TENM3: variants seen among roughly 807,000 people sequenced by gnomAD.
TENM3 encodes teneurin-3.
In TENM3, 63 loss-of-function variants were observed where a neutral mutation model predicts 255.1. That is an observed-to-expected ratio of 0.25 (90% CI 0.20 to 0.30). The LOEUF (loss-of-function observed/expected upper bound fraction) is 0.30, where lower values mean the gene tolerates loss of function less well. Ranked by LOEUF, TENM3 falls within the 10% of genes least tolerant of loss-of-function variation. TENM3 has a pLI of 1.00. For missense variants in TENM3, 2,929 were observed against 3,461.1 expected (o/e 0.85, Z 3.86); for synonymous variants, 1,306 against 1,322.3 (o/e 0.99, Z 0.27).
chr4:182,539,825 A>G (rs568522480), intron 3 of TENM3, among the ~76,000 whole-genome samples: 14 of 152,332 alleles, frequency 9.2e-5, no homozygotes, highest in African/African-American at 2.9e-4. Context: ...ATTTGGGGGA[A>G]AATCAAGAAG....
chr4:181,738,885 T>G, the TENM3 span, among the ~76,000 whole-genome samples: 2 of 152,136 alleles, frequency 1.3e-5, no homozygotes, highest in Non-Finnish European at 2.9e-5. Context: ...AAGGAGTATG[T>G]TTGATGGCCT....
At chr4:181,949,433 T>G in the TENM3 span, among the ~76,000 whole-genome samples, 1 of 152,334 alleles carries the variant, frequency 6.6e-6, no homozygotes, top group South Asian at 2.1e-4. Context: ...AGGGTCATCC[T>G]TGTCTTCTCT....
intron 3 of TENM3, among the ~76,000 whole-genome samples, chr4:182,454,841 C>A (rs1020860246): frequency 6.6e-6 from 1 of 152,104 alleles, no homozygotes; most frequent in African/African-American, 2.4e-5. Context: ...CAAGAGCTAA[C>A]GTTTTTGGAA....
intron 25 of TENM3, among the ~76,000 whole-genome samples, chr4:182,790,866 T>C (rs796680594): frequency 5.3e-5 from 8 of 152,190 alleles, no homozygotes; most frequent in African/African-American, 1.7e-4. Flanking sequence ...AGCATATCAT[T>C]GAGAAGAGCC....
At chr4:182,797,061 A>G (rs1406562966) in intron 27 of TENM3, among the ~76,000 whole-genome samples, 4 of 152,224 alleles carry the variant, frequency 2.6e-5, no homozygotes, top group Non-Finnish European at 5.9e-5. Flanking sequence ...TGAAGGCAAA[A>G]ATACAATAAA....
the TENM3 span, among the ~76,000 whole-genome samples, chr4:181,495,556 C>CGAGA: frequency 5.4e-5 from 8 of 148,672 alleles, no homozygotes; most frequent in South Asian, 2.1e-4. Flanking sequence ...TTAGTATACA[C>CGAGA]GAGAGAGAGA....
intron 18 of TENM3, among the ~76,000 whole-genome samples, chr4:182,738,780 G>T (rs1405544807): frequency 6.6e-6 from 1 of 152,154 alleles, no homozygotes; most frequent in African/African-American, 2.4e-5. Context: ...TCGCCAAAAT[G>T]ATTTTCCCAT....
the TENM3 span, among the ~76,000 whole-genome samples, chr4:181,666,262 T>G: frequency 6.6e-6 from 1 of 152,192 alleles, no homozygotes. Context: ...TTTATTTATT[T>G]CGGATAGATT....
chr4:182,789,086 G>T lies in TENM3; in HGVS notation c.5305-7G>T, dbSNP rs779861657. 1 of 1,599,742 alleles carries T rather than the reference G, an allele frequency of 6.3e-7. No homozygotes were observed. The highest frequency in any genetic ancestry group is 1.1e-5 in the South Asian group (1 of 89,630). On this transcript the variant is annotated splice_region_variant and splice_polypyrimidine_tract_variant and intron_variant, in intron 24 of 27. Coordinates refer to ENST00000511685, the MANE Select transcript of TENM3 (RefSeq NM_001080477.4). This position sits in a 1 kb window ranked among gnomAD's most constrained non-coding sequence, Gnocchi z 4.4. ...TTTATTTTATCATCTTGTTGGTGTT[G>T]TAACAGGTTAATGGCAGAAACCTCC...
At chr4:182,084,193 G>T in the TENM3 span, among the ~76,000 whole-genome samples, 2 of 137,386 alleles carry the variant, frequency 1.5e-5, no homozygotes, top group Non-Finnish European at 3.2e-5. Context: ...GCTGCTTGCT[G>T]GGGGGAAAAA....
At chr4:181,888,814 G>C in the TENM3 span, among the ~76,000 whole-genome samples, 1 of 151,354 alleles carries the variant, frequency 6.6e-6, no homozygotes, top group African/African-American at 2.4e-5. Flanking sequence ...CTGAGAACCA[G>C]GAGTGCCAAC....
chr4:182,169,465 T>C, intron 1 of TENM3: 1 of 332,314 alleles, frequency 3.0e-6, no homozygotes, highest in Non-Finnish European at 5.9e-6. Context: ...TATAATTTAC[T>C]ACCACCTAAA....
At chr4:182,729,258 A>G in intron 14 of TENM3, 77 bp downstream of exon 14, 1 of 1,249,980 alleles carries the variant, frequency 8.0e-7, no homozygotes, top group Non-Finnish European at 1.1e-6. Context: ...AATACTCATG[A>G]CTGTGAACCT....
At chr4:181,971,641 A>G in the TENM3 span, among the ~76,000 whole-genome samples, 1 of 151,988 alleles carries the variant, frequency 6.6e-6, no homozygotes. Context: ...ATCATAGCTC[A>G]CTGTAACCTC....
chr4:182,157,584 G>A (rs559006148), intron 1 of TENM3, among the ~76,000 whole-genome samples: 1 of 152,284 alleles, frequency 6.6e-6, no homozygotes, highest in East Asian at 1.9e-4. Flanking sequence ...GTGGCCTCTG[G>A]ACTTCGGTCA....
At position 182,504,928 on chromosome 4, in the gene TENM3, A is replaced by G. The variant is rs117627802; in HGVS notation, c.512-95996A>G. On this transcript the variant is annotated intron_variant, in intron 3 of 27. Transcript: ENST00000511685. ...ACAGATACTTGGGTATCATGATGTT[A>G]TATATTCTTTTCCAACTCAGCATGG... Among the ~76,000 whole-genome samples the G allele has an allele frequency of 7.9e-4, 121 of 152,316 alleles. 2 individuals carry two copies. The East Asian group carries it at 0.022, about 28-fold the overall frequency.
intron 1 of TENM3, among the ~76,000 whole-genome samples, chr4:182,315,503 C>T (rs889737941): frequency 6.6e-6 from 1 of 151,630 alleles, no homozygotes; most frequent in Non-Finnish European, 1.5e-5. Context: ...TTTCCTGTGT[C>T]TGCCTTTAAG....
chr4:182,568,091 TGGG>T (rs1743976254), intron 3 of TENM3, among the ~76,000 whole-genome samples: 3 of 152,224 alleles, frequency 2.0e-5, no homozygotes, highest in Non-Finnish European at 4.4e-5. Flanking sequence ...GATGAAGTTA[TGGG>T]AATCATGTGC....
At chr4:182,497,191 C>G (rs755384753) in intron 3 of TENM3, among the ~76,000 whole-genome samples, 5 of 151,922 alleles carry the variant, frequency 3.3e-5, no homozygotes, top group Non-Finnish European at 7.4e-5. Flanking sequence ...GTAGCTGGGA[C>G]TCAGGCACGC....
Sources: allele counts gnomAD v4.1 joint callset (sites outside exome capture counted in the v4.1 genomes callset), GRCh38; gene constraint gnomAD v4.1.1; non-coding constraint Gnocchi (gnomAD v3.1); transcripts MANE v1.5; gene names NCBI Gene and HGNC (gene_info 2026-07-23, HGNC 2026-07-21).